Variants in RAPGEF6 observed in about 807,000 individuals in gnomAD.
RAPGEF6 encodes the protein PDZ domain containing guanine nucleotide exchange factor (GEF) 2.
Under a neutral mutation model 171.4 loss-of-function variants are expected in RAPGEF6, and 56 were observed. The observed-to-expected ratio is 0.33, with a 90% confidence interval of 0.26 to 0.41. RAPGEF6 has a LOEUF of 0.41. RAPGEF6 is among the 10% of genes least tolerant of loss of function. RAPGEF6 has a pLI of 1.00. For missense variants in RAPGEF6, 1,674 were observed against 1,921.4 expected, an observed-to-expected ratio of 0.87 and a Z score of 2.41; for synonymous variants, 692 against 650.1, an observed-to-expected ratio of 1.06 and a Z score of -0.98.
At chr5:131,537,529 T>C (rs1001400083) in intron 6 of RAPGEF6, among the ~76,000 whole-genome samples, 18 of 151,914 alleles carry the variant, frequency 1.2e-4, no homozygotes, top group African/African-American at 2.2e-4. Context: ...TTGTTTGTAA[T>C]AGGAGAAAAA....
intron 5 of RAPGEF6, among the ~76,000 whole-genome samples, chr5:131,559,132 C>T (rs1238271904): frequency 1.3e-5 from 2 of 152,036 alleles, no homozygotes; most frequent in African/African-American, 4.8e-5. Flanking sequence ...AGTTCAAAAC[C>T]AGCCTGGCCA....
At chr5:131,463,853 ACT>A in intron 18 of RAPGEF6, 186 bp downstream of exon 18, 1 of 1,272,946 alleles carries the variant, frequency 7.9e-7, no homozygotes, top group Non-Finnish European at 9.9e-7. Flanking sequence ...AAAAACAGGA[ACT>A]AGATTATATC....
At chr5:131,612,564 G>A (rs1295835335) in intron 1 of RAPGEF6, among the ~76,000 whole-genome samples, 1 of 152,156 alleles carries the variant, frequency 6.6e-6, no homozygotes, top group Non-Finnish European at 1.5e-5. Flanking sequence ...CAACCACTGA[G>A]TTAGGTGTAG....
In RAPGEF6 at chr5:131,618,628, A is replaced by G. The variant is rs200541795; in HGVS notation, c.70-13935T>C. Among the ~76,000 whole-genome samples, 13 of 152,062 alleles carry G rather than the reference A, an allele frequency of 8.5e-5. No individual in the cohort carries two copies. The East Asian group carries it at 9.6e-4, about 11-fold the overall frequency. ...ACTGCAGCCTGAGTGACAAAGGGAG[A>G]CTCTGTCTCAAAAAAAGAAAAAAAG... On this transcript the variant is annotated intron_variant, in intron 1 of 27. Transcript: ENST00000509018.
chr5:131,601,362 G>C (rs2150012926), intron 3 of RAPGEF6, among the ~76,000 whole-genome samples: 1 of 148,504 alleles, frequency 6.7e-6, no homozygotes, highest in Non-Finnish European at 1.5e-5. Flanking sequence ...TCCAGCCTCA[G>C]TGACAAGAGC....
chr5:131,598,039 G>A (rs578137783), intron 3 of RAPGEF6, among the ~76,000 whole-genome samples: 1 of 152,058 alleles, frequency 6.6e-6, no homozygotes, highest in Non-Finnish European at 1.5e-5. Context: ...TGCTGGAAAT[G>A]AGACCAAATA....
intron 25 of RAPGEF6, 54 bp downstream of exon 25, chr5:131,433,376 G>A (rs1450261290): frequency 1.3e-6 from 2 of 1,508,276 alleles, no homozygotes; most frequent in East Asian, 2.3e-5. Context: ...AGCACTCCTT[G>A]CAGTGGCCAC....
At chr5:131,563,152 A>C (rs1195167688) in intron 4 of RAPGEF6, among the ~76,000 whole-genome samples, 3 of 152,182 alleles carry the variant, frequency 2.0e-5, no homozygotes, top group African/African-American at 7.2e-5. Flanking sequence ...ATGATAAAGC[A>C]ACCAAAAGTA....
chr5:131,440,753 A>AG (rs1247548211), intron 23 of RAPGEF6, among the ~76,000 whole-genome samples: 5 of 151,310 alleles, frequency 3.3e-5, no homozygotes, highest in Non-Finnish European at 7.4e-5. Context: ...AAAAAAAAAA[A>AG]AAAAAAAAGA....
intron 5 of RAPGEF6, among the ~76,000 whole-genome samples, chr5:131,557,479 T>C (rs752544643): frequency 2.0e-5 from 3 of 152,166 alleles, no homozygotes; most frequent in African/African-American, 2.4e-5. Flanking sequence ...CTTAGGTAAT[T>C]TGGGGTTTTC....
intron 4 of RAPGEF6, among the ~76,000 whole-genome samples, chr5:131,572,340 T>G (rs1762355116): frequency 6.6e-6 from 1 of 152,170 alleles, no homozygotes. Flanking sequence ...AAGCGGTTTT[T>G]TCGCTCTCTA....
chr5:131,522,081 T>G (rs547193255), intron 6 of RAPGEF6, among the ~76,000 whole-genome samples: 1 of 152,208 alleles, frequency 6.6e-6, no homozygotes, highest in Non-Finnish European at 1.5e-5. Context: ...ACACTTAATA[T>G]TGAATTAGCT....
intron 7 of RAPGEF6, among the ~76,000 whole-genome samples, chr5:131,515,964 C>CA (rs1447145369): frequency 6.7e-6 from 1 of 148,872 alleles, no homozygotes; most frequent in Non-Finnish European, 1.5e-5. Flanking sequence ...AATTAAAAAT[C>CA]AGAGCAATTT....
chr5:131,427,912 A>G (rs1362333168), intron 27 of RAPGEF6, among the ~76,000 whole-genome samples: 1 of 152,176 alleles, frequency 6.6e-6, no homozygotes, highest in Non-Finnish European at 1.5e-5. Flanking sequence ...GTTCAAGACC[A>G]GCCTGGGCAA....
intron 14 of RAPGEF6, among the ~76,000 whole-genome samples, chr5:131,491,374 A>T (rs1396122504): frequency 6.6e-6 from 1 of 152,244 alleles, no homozygotes; most frequent in East Asian, 1.9e-4. Flanking sequence ...CATAATTTTT[A>T]AAAAATGATA....
intron 3 of RAPGEF6, among the ~76,000 whole-genome samples, chr5:131,594,882 T>C (rs1763803114): frequency 6.9e-6 from 1 of 145,942 alleles, no homozygotes; most frequent in Non-Finnish European, 1.5e-5. Flanking sequence ...ATTTACCCCA[T>C]GCCTGTATCT....
intron 1 of RAPGEF6, among the ~76,000 whole-genome samples, chr5:131,618,803 T>C (rs756057381): frequency 5.9e-5 from 9 of 152,102 alleles, no homozygotes; most frequent in Non-Finnish European, 1.3e-4. Context: ...AATTATAGCA[T>C]TGTACCTTTA....
intron 15 of RAPGEF6, among the ~76,000 whole-genome samples, chr5:131,480,545 C>T (rs188103035): frequency 1.2e-3 from 176 of 152,282 alleles, no homozygotes; most frequent in African/African-American, 4.2e-3. Context: ...GTGGCACAAT[C>T]TCAGCTCACT....
chr5:131,455,747 G>C, intron 20 of RAPGEF6, 54 bp downstream of exon 20: 1 of 1,473,148 alleles, frequency 6.8e-7, no homozygotes, highest in South Asian at 1.2e-5. Flanking sequence ...AATCAATTCA[G>C]GTAGACTTTA....
Sources: gnomAD v4.1 joint callset for allele counts (sites outside exome capture counted in the v4.1 genomes callset) on GRCh38, gnomAD v4.1.1 for gene constraint, MANE v1.5 for transcripts, NCBI Gene and HGNC (gene_info 2026-07-23, HGNC 2026-07-21) for gene names.